Variants in PPP2R2C observed in about 807,000 individuals in gnomAD.
The protein encoded by PPP2R2C is protein phosphatase 2, regulatory subunit B, gamma.
A neutral mutation model predicts 45.3 loss-of-function variants in PPP2R2C; 10 were observed. The observed-to-expected ratio is 0.22, with a 90% CI of 0.14 to 0.37. PPP2R2C has a LOEUF of 0.37. PPP2R2C is among the 10% of genes least tolerant of loss of function. The probability of loss-of-function intolerance (pLI) is 1.00; values close to 1 mark genes in which losing one functional copy is unlikely to be tolerated. For synonymous variants in PPP2R2C, 257 were observed against 245.4 expected, an observed-to-expected ratio of 1.05 and a Z score of -0.44; for missense variants, 308 against 619.7, an observed-to-expected ratio of 0.50 and a Z score of 5.34.
intron 1 of PPP2R2C, among the ~76,000 whole-genome samples, chr4:6,422,190 A>G (rs1445540874): frequency 6.6e-6 from 1 of 152,154 alleles, no homozygotes; most frequent in East Asian, 1.9e-4. Flanking sequence ...TCCATAAAAT[A>G]TTGACTTTCT....
At chr4:6,372,176 T>G (rs1489486243) in intron 5 of PPP2R2C, among the ~76,000 whole-genome samples, 2 of 152,230 alleles carry the variant, frequency 1.3e-5, no homozygotes, top group African/African-American at 4.8e-5. Context: ...GCGCCTTCAG[T>G]GGACGCTGAG....
chr4:6,408,610 G>A (rs1577156326), intron 1 of PPP2R2C, among the ~76,000 whole-genome samples: 1 of 152,338 alleles, frequency 6.6e-6, no homozygotes, highest in African/African-American at 2.4e-5. Flanking sequence ...GACCTCAGAT[G>A]CAGGGCAATT....
At position 6,378,334 on chromosome 4, in the gene PPP2R2C, G is replaced by A. The variant is rs1359819219; in HGVS notation, c.334+73C>T. ...ATAGAAAAATGCTCACAATATAAGTGAAATACAAACCAGCATTTGGTAGAA... is the reference window on the plus strand; with the variant it reads ...ATAGAAAAATGCTCACAATATAAGTAAAATACAAACCAGCATTTGGTAGAA... On this transcript the variant is annotated intron_variant, in intron 3 of 8. Transcript: ENST00000382599. This position sits in a 1 kb window ranked among gnomAD's most constrained non-coding sequence, Gnocchi z 5.2. The A allele has an allele frequency of 1.2e-6, 2 of 1,603,538 alleles. No individual in the cohort carries two copies. Among genetic ancestry groups the A allele is most frequent in the Non-Finnish European group, 1.7e-6 (2 of 1,176,580 alleles).
intron 1 of PPP2R2C, among the ~76,000 whole-genome samples, chr4:6,459,882 T>C (rs1721238948): frequency 6.6e-6 from 1 of 151,700 alleles, no homozygotes; most frequent in Admixed American, 6.6e-5. Flanking sequence ...GGAAAGGGAG[T>C]TGTTAGTACC....
intron 2 of PPP2R2C, among the ~76,000 whole-genome samples, chr4:6,507,222 A>T (rs868337380): frequency 1.3e-5 from 2 of 152,226 alleles, no homozygotes; most frequent in South Asian, 4.1e-4. Flanking sequence ...GAACAAAAGC[A>T]CAGGTGCTCA....
At chr4:6,508,948 C>A (rs1723333992) in intron 2 of PPP2R2C, among the ~76,000 whole-genome samples, 1 of 152,224 alleles carries the variant, frequency 6.6e-6, no homozygotes, top group Non-Finnish European at 1.5e-5. Flanking sequence ...ACTTGGCCCT[C>A]TTCCTGCTCT....
At chr4:6,546,511 GACTA>G (rs1724989782) in intron 1 of PPP2R2C, among the ~76,000 whole-genome samples, 1 of 152,180 alleles carries the variant, frequency 6.6e-6, no homozygotes, top group African/African-American at 2.4e-5. Context: ...GATGTGCAAT[GACTA>G]GCCCAGGGCC....
chr4:6,521,102 C>A (rs866595836), intron 2 of PPP2R2C, among the ~76,000 whole-genome samples: 1 of 152,222 alleles, frequency 6.6e-6, no homozygotes, highest in Admixed American at 6.5e-5. Flanking sequence ...AGTAACCAGC[C>A]TGAGGCCACA....
intron 1 of PPP2R2C, among the ~76,000 whole-genome samples, chr4:6,426,154 TC>T (rs1486014649): frequency 3.3e-5 from 5 of 152,176 alleles, no homozygotes; most frequent in African/African-American, 1.2e-4. Context: ...ACTCAGTCCC[TC>T]TGCCCAGCCT....
intron 1 of PPP2R2C, among the ~76,000 whole-genome samples, chr4:6,442,511 G>T (rs1001597389): frequency 6.6e-6 from 1 of 152,198 alleles, no homozygotes; most frequent in African/African-American, 2.4e-5. Flanking sequence ...GATGGTTTCA[G>T]GCCCCATTTC....
chr4:6,498,287 C>T (rs751309851), intron 2 of PPP2R2C, among the ~76,000 whole-genome samples: 1 of 152,112 alleles, frequency 6.6e-6, no homozygotes, highest in Non-Finnish European at 1.5e-5. Context: ...ATGGTTTAAG[C>T]CTATATCTTT....
At chr4:6,420,737 G>A (rs1453127200) in intron 1 of PPP2R2C, among the ~76,000 whole-genome samples, 1 of 152,138 alleles carries the variant, frequency 6.6e-6, no homozygotes, top group African/African-American at 2.4e-5. Flanking sequence ...CCAGTAAGAG[G>A]ACTGGTTAAA....
Position 6,322,164 on chromosome 4 carries a change from T to C in PPP2R2C, c.*1138A>G, listed in dbSNP as rs146438954. On this transcript the variant is annotated 3_prime_UTR_variant, in exon 9 of 9. Transcript: ENST00000382599. The surrounding 1 kb of genome is among the most constrained non-coding windows in gnomAD (Gnocchi z 7.8). ...AGGCATTCCTTTCCAAACCTTCCAT[T>C]TGAATGTCGCTCTAACATGAGCCGC... The C allele has an allele frequency of 6.6e-6, 1 of 152,052 alleles. No homozygotes were observed. The highest frequency in any genetic ancestry group is 6.5e-5 in the Admixed American group (1 of 15,276). 9.4% of individuals were successfully genotyped at this position (152,052 alleles called of 1,614,324 possible).
At chr4:6,543,948 T>G (rs1011680457) in intron 1 of PPP2R2C, among the ~76,000 whole-genome samples, 15 of 152,214 alleles carry the variant, frequency 9.9e-5, no homozygotes, top group African/African-American at 3.4e-4. Context: ...CGAGCTGAGC[T>G]GTCAACACAG....
chr4:6,448,857 C>T (rs1195493218), intron 1 of PPP2R2C, among the ~76,000 whole-genome samples: 1 of 152,214 alleles, frequency 6.6e-6, no homozygotes, highest in Admixed American at 6.5e-5. Flanking sequence ...CGAAGGCTCA[C>T]GGAGGTCCTG....
At chr4:6,459,986 C>G (rs563221743) in intron 1 of PPP2R2C, among the ~76,000 whole-genome samples, 1 of 152,252 alleles carries the variant, frequency 6.6e-6, no homozygotes, top group African/African-American at 2.4e-5. Flanking sequence ...AGGGAAATAA[C>G]CAAATATGCA....
intron 1 of PPP2R2C, among the ~76,000 whole-genome samples, chr4:6,436,090 G>A (rs1719879166): frequency 6.6e-6 from 1 of 152,194 alleles, no homozygotes; most frequent in South Asian, 2.1e-4. Flanking sequence ...CAAGCACACA[G>A]CAAGAAGGCA....
At chr4:6,511,831 G>A (rs796625418) in intron 2 of PPP2R2C, among the ~76,000 whole-genome samples, 8 of 35,812 alleles carry the variant, frequency 2.2e-4, no homozygotes, top group East Asian at 8.2e-4. Flanking sequence ...GGTGGTGGTG[G>A]TGGTGATGGT....
intron 2 of PPP2R2C, among the ~76,000 whole-genome samples, chr4:6,505,779 A>G (rs1407536073): frequency 6.6e-6 from 1 of 152,164 alleles, no homozygotes; most frequent in Non-Finnish European, 1.5e-5. Context: ...CAGCCTGGCC[A>G]ACATGGTGAA....
Sources: gnomAD v4.1 joint callset for allele counts (sites outside exome capture counted in the v4.1 genomes callset) on GRCh38, gnomAD v4.1.1 for gene constraint, Gnocchi (gnomAD v3.1) non-coding constraint, MANE v1.5 for transcripts, NCBI Gene and HGNC (gene_info 2026-07-23, HGNC 2026-07-21) for gene names.